GPD2: variants seen among roughly 807,000 people sequenced by gnomAD.
The protein encoded by GPD2 is glycerol-3-phosphate dehydrogenase, mitochondrial.
Under a neutral mutation model 82.4 loss-of-function variants are expected in GPD2, and 54 were observed. The ratio of observed to expected loss-of-function variants is 0.66; its 90% confidence interval spans 0.53 to 0.82. The LOEUF (loss-of-function observed/expected upper bound fraction) is 0.82, where lower values mean the gene tolerates loss of function less well. Ranked by LOEUF, GPD2 falls within the 40% of genes least tolerant of loss-of-function variation. The pLI is 0.00. For missense variants in GPD2, 748 were observed against 896.2 expected (o/e 0.83, Z 2.11); for synonymous variants, 288 against 306.1 (o/e 0.94, Z 0.62).
At chr2:156,451,838 C>G (rs977366600) in intron 1 of GPD2, among the ~76,000 whole-genome samples, 1 of 151,192 alleles carries the variant, frequency 6.6e-6, no homozygotes, top group Non-Finnish European at 1.5e-5. Context: ...AGGGGCTCCT[C>G]ACTTCTCAGA....
At chr2:156,491,881 G>A (rs757278340) in intron 2 of GPD2, among the ~76,000 whole-genome samples, 9 of 151,730 alleles carry the variant, frequency 5.9e-5, no homozygotes, top group Non-Finnish European at 1.0e-4. Flanking sequence ...TTAGCCAGGC[G>A]TGGTGGCAGG....
At chr2:156,425,923 C>CT in the GPD2 span, among the ~76,000 whole-genome samples, 2,422 of 136,366 alleles carry the variant, frequency 0.018, 44 homozygotes, top group African/African-American at 0.037. Flanking sequence ...AGTCTGGGTA[C>CT]TTTTTTTTTT....
intron 1 of GPD2, among the ~76,000 whole-genome samples, chr2:156,439,529 A>C (rs1466156982): frequency 2.2e-4 from 24 of 110,946 alleles, no homozygotes; most frequent in African/African-American, 7.3e-4. Context: ...AAAAAAAAAA[A>C]AAAAAAAAAA....
intron 6 of GPD2, among the ~76,000 whole-genome samples, chr2:156,538,082 A>G (rs996295884): frequency 1.3e-5 from 2 of 152,158 alleles, no homozygotes; most frequent in Non-Finnish European, 2.9e-5. Context: ...CTTTCTTTTC[A>G]TGTCTTTTTA....
chr2:156,567,461 C>T (rs931574765), intron 9 of GPD2, among the ~76,000 whole-genome samples: 6 of 152,084 alleles, frequency 3.9e-5, no homozygotes, highest in Admixed American at 3.3e-4. Flanking sequence ...AGACTATATA[C>T]AGTCAATTTT....
intron 1 of GPD2, among the ~76,000 whole-genome samples, chr2:156,468,211 C>T (rs1683211085): frequency 6.6e-6 from 1 of 152,136 alleles, no homozygotes; most frequent in South Asian, 2.1e-4. Flanking sequence ...TAAAAGGGTG[C>T]TGCTGGGAGG....
At chr2:156,488,489 CT>C (rs1684028731) in intron 2 of GPD2, among the ~76,000 whole-genome samples, 1 of 152,174 alleles carries the variant, frequency 6.6e-6, no homozygotes, top group African/African-American at 2.4e-5. Context: ...CCAATTATTA[CT>C]GTACATGATT....
intron 1 of GPD2, among the ~76,000 whole-genome samples, chr2:156,437,316 A>G (rs905273411): frequency 7.2e-5 from 11 of 152,332 alleles, no homozygotes; most frequent in Admixed American, 6.5e-4. Context: ...AGTATTTTGC[A>G]TGTGTTCCAA....
At chr2:156,513,953 C>T (rs941216825) in intron 6 of GPD2, among the ~76,000 whole-genome samples, 1 of 152,136 alleles carries the variant, frequency 6.6e-6, no homozygotes, top group Non-Finnish European at 1.5e-5. Context: ...CTGAAATTGA[C>T]ATGTTTGTAT....
At chr2:156,465,133 G>A (rs1423396866) in intron 1 of GPD2, among the ~76,000 whole-genome samples, 1 of 152,156 alleles carries the variant, frequency 6.6e-6, no homozygotes, top group Non-Finnish European at 1.5e-5. Flanking sequence ...TTACAGGCAT[G>A]AGCCACCGTG....
chr2:156,557,290 T>G, intron 8 of GPD2, 99 bp from the exon 9 acceptor site: 1 of 795,234 alleles, frequency 1.3e-6, no homozygotes, highest in Non-Finnish European at 2.2e-6. Flanking sequence ...CTTTCTTGTT[T>G]GCATATTTGA....
chr2:156,409,329 A>G, the GPD2 span, among the ~76,000 whole-genome samples: 1 of 152,356 alleles, frequency 6.6e-6, no homozygotes, highest in Admixed American at 6.5e-5. Flanking sequence ...ATATTTGTGC[A>G]TTAATACCAT....
chr2:156,435,875 C>G (rs1017249464), upstream of GPD2: 5 of 152,418 alleles, frequency 3.3e-5, no homozygotes, highest in African/African-American at 1.2e-4. Flanking sequence ...CAGGGCGGCC[C>G]GCATGGGCGA....
chr2:156,459,308 G>A (rs1257538208), intron 1 of GPD2, among the ~76,000 whole-genome samples: 3 of 152,092 alleles, frequency 2.0e-5, no homozygotes, highest in South Asian at 2.1e-4. Flanking sequence ...AGTGACTTAC[G>A]CCTACTGTCC....
At chr2:156,483,987 C>CTTTTTTTTTTTTTTTTTTTTTTTTTTTT (rs10610989) in intron 2 of GPD2, among the ~76,000 whole-genome samples, 1 of 92,294 alleles carries the variant, frequency 1.1e-5, no homozygotes. Flanking sequence ...TGCTTGCTTG[C>CTTTTTTTTTTTTTTTTTTTTTTTTTTTT]TTTTTTTTTT....
intron 2 of GPD2, among the ~76,000 whole-genome samples, chr2:156,492,475 TAAC>T: frequency 6.6e-6 from 1 of 151,572 alleles, no homozygotes. Flanking sequence ...TTTTAAATTT[TAAC>T]CATTGTAAAA....
At position 156,542,595 on chromosome 2, in the gene GPD2, G is replaced by GA. The variant is rs547180460; in HGVS notation, c.662-7007dup. Among the ~76,000 whole-genome samples, 115 of 152,176 alleles carry GA rather than the reference G, an allele frequency of 7.6e-4. 1 individual carries two copies. Among genetic ancestry groups the GA allele is most frequent in the Middle Eastern group, 6.8e-3 (2 of 294 alleles). ...TGAATATTTTAAAGTATAAATGAAA[G>GA]AAAAAATCAACTTTGCCAGGCACTT... On this transcript the variant is annotated intron_variant, in intron 6 of 16. Transcript: ENST00000438166.
In GPD2 at chr2:156,557,420, A is replaced by G. The variant is rs1251191644; in HGVS notation, c.1003A>G (p.Thr335Ala). The change falls in exon 9 of 17, where the codon ACC (threonine) becomes GCC (alanine). Residue 335 changes from threonine to alanine, a missense_variant. Thr to Ala is a moderately conservative substitution (Grantham distance 58). Coordinates refer to ENST00000438166, the MANE Select transcript of GPD2 (RefSeq NM_000408.5). Reference protein sequence around the residue: ...PESMGLLDPATSDGRVIFFLP... With the variant: ...PESMGLLDPAASDGRVIFFLP... The stretch of plus-strand genomic sequence containing the variant: ...GAGCATGGGACTTCTTGACCCAGCG[A>G]CCAGTGATGGGCGAGTTATTTTCTT... 1 of 1,610,532 alleles carries G rather than the reference A, an allele frequency of 6.2e-7. No homozygotes were observed.
At chr2:156,452,425 G>A (rs974379840) in intron 1 of GPD2, among the ~76,000 whole-genome samples, 8 of 152,250 alleles carry the variant, frequency 5.3e-5, no homozygotes, top group Non-Finnish European at 8.8e-5. Context: ...GCGGCGGCGC[G>A]CACCTGCAAT....
Sources: gnomAD v4.1 joint callset for allele counts (sites outside exome capture counted in the v4.1 genomes callset) on GRCh38, gnomAD v4.1.1 for gene constraint, MANE v1.5 for transcripts, NCBI Gene and HGNC (gene_info 2026-07-23, HGNC 2026-07-21) for gene names.